ZNF324B: variants seen among roughly 807,000 people sequenced by gnomAD.
The protein encoded by ZNF324B is zinc finger protein 324B.
Under a neutral mutation model 10.6 loss-of-function variants are expected in ZNF324B, and 7 were observed. The ratio of observed to expected loss-of-function variants is 0.66; its 90% confidence interval spans 0.38 to 1.24. The LOEUF is 1.24. Among genes scored for constraint, ZNF324B ranks in the 50% most tolerant of loss-of-function variants. ZNF324B has a pLI of 0.02. For synonymous variants in ZNF324B, 316 were observed against 321.0 expected, an observed-to-expected ratio of 0.98 and a Z score of 0.17; for missense variants, 640 against 764.7, an observed-to-expected ratio of 0.84 and a Z score of 1.92.
chr19:58,456,788 T>A lies in ZNF324B; in HGVS notation c.*209T>A. ...GCTCACACCTCCATCCTCAAAGAGG[T>A]AACACTGCAGAAACATCAGAGGGAG... On this transcript the variant is annotated 3_prime_UTR_variant, in exon 4 of 4. Coordinates refer to ENST00000336614, the MANE Select transcript of ZNF324B (RefSeq NM_207395.3). This position sits in a 1 kb window ranked among gnomAD's most constrained non-coding sequence, Gnocchi z 4.7. 1 of 627,098 alleles carries A rather than the reference T, an allele frequency of 1.6e-6. No individual in the cohort carries two copies. Among genetic ancestry groups the A allele is most frequent in the Non-Finnish European group, 2.7e-6 (1 of 363,984 alleles). 38.8% of individuals were successfully genotyped at this position (627,098 alleles called of 1,614,324 possible). A position where few individuals can be genotyped will look rare whatever the true frequency, so the allele number is the denominator to read the frequency against.
At chr19:58,423,618 C>G in the ZNF324B span, among the ~76,000 whole-genome samples, 1 of 152,172 alleles carries the variant, frequency 6.6e-6, no homozygotes, top group African/African-American at 2.4e-5. Flanking sequence ...CCAAAGCAAT[C>G]CTGAGCACAA....
In ZNF324B at chr19:58,456,495, G is replaced by A. The variant is rs769641986; in HGVS notation, c.1551G>A (p.Pro517=). 6 of 1,614,064 alleles carry A rather than the reference G, an allele frequency of 3.7e-6. No individual in the cohort carries two copies. The highest frequency in any genetic ancestry group is 5.1e-6 in the Non-Finnish European group (6 of 1,180,036). The change falls in exon 4 of 4, where the codon CCG becomes CCA. Residue 517 remains proline (P), a synonymous_variant. Transcript: ENST00000336614. The surrounding 1 kb of genome is among the most constrained non-coding windows in gnomAD (Gnocchi z 4.7). ...KTNAAAPDCT[P]GPGFLQGHHR... is the part of the protein sequence containing the mutation. ...ATGCCGCAGCACCAGACTGCACCCCGGGGCCAGGTTTCCTTCAGGGACATC... is the reference window on the plus strand; with the variant it reads ...ATGCCGCAGCACCAGACTGCACCCCAGGGCCAGGTTTCCTTCAGGGACATC...
the ZNF324B span, chr19:58,445,075 G>A: frequency 9.6e-5 from 24 of 250,354 alleles, no homozygotes; most frequent in Non-Finnish European, 1.6e-4. Context: ...TGGCTTCCCT[G>A]GTACCTGACT....
At chr19:58,423,165 G>A in the ZNF324B span, among the ~76,000 whole-genome samples, 10 of 143,930 alleles carry the variant, frequency 6.9e-5, no homozygotes, top group East Asian at 1.3e-3. Flanking sequence ...CACCACACCC[G>A]GCTGTTTTTT....
upstream of ZNF324B, among the ~76,000 whole-genome samples, chr19:58,450,410 A>AC (rs1268144453): frequency 2.0e-5 from 3 of 148,066 alleles, no homozygotes; most frequent in African/African-American, 7.6e-5. Flanking sequence ...GGTTGCAGTG[A>AC]CCCGAGTATG....
chr19:58,443,647 C>T, the ZNF324B span: 2 of 152,242 alleles, frequency 1.3e-5, no homozygotes, highest in African/African-American at 4.8e-5. Context: ...TGGGTCGTTT[C>T]CTGGCTAGGT....
In ZNF324B at chr19:58,454,310, C is replaced by T. The variant is rs755318433; in HGVS notation, c.204C>T (p.Thr68=). ...EPWVPSGKDM[T]LARNTYGRLN... ...GGGTTCCCAGTGGAAAGGACATGAC[C>T]CTGGCCAGGAACACCTACGGGAGGC... Residue 68 remains threonine, a synonymous_variant, in exon 3 of 4, where the codon ACC becomes ACT. Coordinates refer to ENST00000336614, the MANE Select transcript of ZNF324B (RefSeq NM_207395.3). 7.4e-6 allele frequency: 12 copies of T among 1,613,888 alleles called. No homozygotes were observed. Among genetic ancestry groups the T allele is most frequent in the Non-Finnish European group, 1.0e-5 (12 of 1,179,948 alleles).
chr19:58,448,786 T>C (rs2122330220), upstream of ZNF324B, among the ~76,000 whole-genome samples: 1 of 152,274 alleles, frequency 6.6e-6, no homozygotes, highest in South Asian at 2.1e-4. Flanking sequence ...CAGCAAAGCA[T>C]TCAAGAGGTG....
At chr19:58,427,365 T>TCTTTCTTTCTCTTTC in the ZNF324B span, among the ~76,000 whole-genome samples, 1 of 48,796 alleles carries the variant, frequency 2.0e-5, no homozygotes, top group Non-Finnish European at 4.1e-5. Context: ...TTTCTTTCTT[T>TCTTTCTTTCTCTTTC]CTTTCTTTCT....
the ZNF324B span, chr19:58,435,030 C>T: frequency 6.2e-7 from 1 of 1,614,196 alleles, no homozygotes; most frequent in Non-Finnish European, 8.5e-7. Context: ...AGGGTTTCTC[C>T]TCAGACTGTG....
At position 58,457,098 on chromosome 19, in the gene ZNF324B, G is replaced by C. The variant is rs1037270883; in HGVS notation, c.*519G>C. On this transcript the variant is annotated 3_prime_UTR_variant, in exon 4 of 4. Coordinates refer to ENST00000336614, the MANE Select transcript of ZNF324B (RefSeq NM_207395.3). ...AGACTACAGGGGACTGGGGATCAGG[G>C]TGTGGCCTGTGAGTGTCAGCCTCCT... 6 of 163,050 alleles carry C rather than the reference G, an allele frequency of 3.7e-5. No homozygotes were observed. The highest frequency in any genetic ancestry group is 1.4e-4 in the African/African-American group (6 of 41,654). 10.1% of individuals were successfully genotyped at this position (163,050 alleles called of 1,614,324 possible).
the ZNF324B span, chr19:58,434,703 CT>C: frequency 6.2e-7 from 1 of 1,614,072 alleles, no homozygotes; most frequent in South Asian, 1.1e-5. Context: ...GAGTGGAGCT[CT>C]TCAGGAAGGC....
In ZNF324B at chr19:58,453,274, C is replaced by G. The variant is rs368952472; in HGVS notation, c.-6-422C>G. 1.4e-4 allele frequency: 34 copies of G among 245,376 alleles called. 1 individual carries two copies. The South Asian group carries it at 1.5e-3, about 11-fold the overall frequency. The allele number at this position is 245,376 out of a possible 1,614,324, so 15.2% of individuals were successfully genotyped here. ...GCAGCCTGGAAATGTCAGGCAAGCG[C>G]AGCAGGGGAAGGTCTCAGTGATGGG... is the stretch of plus-strand genomic sequence containing the variant. On this transcript the variant is annotated intron_variant, in intron 1 of 3. Coordinates refer to ENST00000336614, the MANE Select transcript of ZNF324B (RefSeq NM_207395.3).
At chr19:58,433,420 T>C in the ZNF324B span, 1 of 1,614,150 alleles carries the variant, frequency 6.2e-7, no homozygotes. Context: ...GGTGTGAACT[T>C]TCTGGTGCCG....
the ZNF324B span, among the ~76,000 whole-genome samples, chr19:58,427,347 TTC>T: frequency 0.13 from 3,870 of 29,706 alleles, 177 homozygotes; most frequent in African/African-American, 0.25. Flanking sequence ...TTCTTTCTCT[TTC>T]CTTTCTTTCT....
At position 58,451,636 on chromosome 19, in the gene ZNF324B, C is replaced by T. The variant is rs1171733652; in HGVS notation, c.-75C>T. On this transcript the variant is annotated 5_prime_UTR_variant, in exon 1 of 4. Coordinates refer to ENST00000336614, the MANE Select transcript of ZNF324B (RefSeq NM_207395.3). Reference sequence around the variant, plus strand: ...GCGTTGGGACTGTCACTTGGCTGCTCGCGTCAGGCCACACCGGTGGTCTGG... The same window carrying T: ...GCGTTGGGACTGTCACTTGGCTGCTTGCGTCAGGCCACACCGGTGGTCTGG... 1.9e-6 allele frequency: 1 copy of T among 517,056 alleles called. No homozygotes were observed. The highest frequency in any genetic ancestry group is 3.9e-6 in the Non-Finnish European group (1 of 258,980). The allele number at this position is 517,056 out of a possible 1,614,324, so 32.0% of individuals were successfully genotyped here. A position where few individuals can be genotyped will look rare whatever the true frequency, so the allele number is the denominator to read the frequency against.
chr19:58,427,349 C>CTTTCTTT, the ZNF324B span, among the ~76,000 whole-genome samples: 2 of 55,960 alleles, frequency 3.6e-5, no homozygotes, highest in Non-Finnish European at 6.9e-5. Context: ...CTTTCTCTTT[C>CTTTCTTT]CTTTCTTTCT....
upstream of ZNF324B, among the ~76,000 whole-genome samples, chr19:58,451,183 C>A (rs2052853026): frequency 6.6e-6 from 1 of 152,206 alleles, no homozygotes; most frequent in Non-Finnish European, 1.5e-5. Context: ...CAGTGAGATG[C>A]AAAGCTGGGA....
intron 3 of ZNF324B, chr19:58,454,902 C>A (rs970282875): frequency 3.4e-6 from 2 of 590,816 alleles, no homozygotes; most frequent in Admixed American, 5.1e-5. Context: ...AGTGTGGAGA[C>A]GTGGGTGGCA....
Sources: allele counts gnomAD v4.1 joint callset (sites outside exome capture counted in the v4.1 genomes callset), GRCh38; gene constraint gnomAD v4.1.1; non-coding constraint Gnocchi (gnomAD v3.1); transcripts MANE v1.5; gene names NCBI Gene and HGNC (gene_info 2026-07-23, HGNC 2026-07-21).